Variants in PLCL2 observed in about 807,000 individuals in gnomAD.
PLCL2 encodes the protein phospholipase C like 2.
PLCL2 carries 4 observed loss-of-function variants against 79.6 expected under a neutral mutation model. That is an observed-to-expected ratio of 0.05 (90% CI 0.02 to 0.11). PLCL2 has a LOEUF of 0.11. PLCL2 is among the 10% of genes least tolerant of loss of function. The pLI, the probability that PLCL2 is intolerant of heterozygous loss-of-function variation, is 1.00. For missense variants in PLCL2, 895 were observed against 1,291.0 expected (o/e 0.69, Z 4.70); for synonymous variants, 484 against 457.7 (o/e 1.06, Z -0.73).
intron 5 of PLCL2, among the ~76,000 whole-genome samples, chr3:17,076,302 G>A (rs932584859): frequency 6.6e-6 from 1 of 151,776 alleles, no homozygotes; most frequent in African/African-American, 2.4e-5. Context: ...TCTGCTTGGG[G>A]TTGGTTGAGA....
chr3:16,982,291 A>G (rs1454841998), intron 1 of PLCL2, among the ~76,000 whole-genome samples: 6 of 152,162 alleles, frequency 3.9e-5, no homozygotes, highest in African/African-American at 9.7e-5. Context: ...CATCGTATCA[A>G]TTTTAAAGCA....
At chr3:17,081,190 A>G (rs2065158916) in intron 5 of PLCL2, 1 of 456,650 alleles carries the variant, frequency 2.2e-6, no homozygotes, top group Admixed American at 2.3e-5. Context: ...CCAAATAGAT[A>G]AGAAAGACAG....
At chr3:16,950,293 C>T (rs1178808979) in intron 1 of PLCL2, among the ~76,000 whole-genome samples, 1 of 152,038 alleles carries the variant, frequency 6.6e-6, no homozygotes, top group Non-Finnish European at 1.5e-5. Context: ...CTTTAATTAC[C>T]TTATGTCCTT....
chr3:17,033,537 A>C, intron 3 of PLCL2, among the ~76,000 whole-genome samples: 1 of 152,332 alleles, frequency 6.6e-6, no homozygotes. Flanking sequence ...TTAGGTAACA[A>C]TTTGAGCATA....
chr3:17,031,937 T>G (rs1452622180), intron 3 of PLCL2, among the ~76,000 whole-genome samples: 8 of 150,542 alleles, frequency 5.3e-5, no homozygotes. Flanking sequence ...ACCTTTTTTT[T>G]TTTTTTTTTT....
chr3:17,026,194 T>G (rs1010302544), intron 3 of PLCL2, among the ~76,000 whole-genome samples: 10 of 152,208 alleles, frequency 6.6e-5, no homozygotes, highest in African/African-American at 2.4e-4. Context: ...AAGCCTTTTC[T>G]AACTTAATTA....
chr3:16,987,197 G>A (rs1368135952), intron 1 of PLCL2, among the ~76,000 whole-genome samples: 3 of 152,056 alleles, frequency 2.0e-5, no homozygotes, highest in Admixed American at 1.3e-4. Flanking sequence ...CTCCTAGCAG[G>A]CAGAGCCAGA....
chr3:17,079,113 T>C (rs2065137332), intron 5 of PLCL2, among the ~76,000 whole-genome samples: 2 of 152,130 alleles, frequency 1.3e-5, no homozygotes, highest in African/African-American at 4.8e-5. Flanking sequence ...GCGAAGGAGG[T>C]GCTTACGTGC....
chr3:16,900,402 A>G (rs563382223), intron 1 of PLCL2, among the ~76,000 whole-genome samples: 19 of 152,238 alleles, frequency 1.2e-4, no homozygotes, highest in African/African-American at 4.6e-4. Context: ...GAAGCTATAA[A>G]CTTTATATCT....
chr3:16,975,149 A>C lies in PLCL2; in HGVS notation c.328-34525A>C, dbSNP rs145641621. ...TCCTCTAAAATGTCTCAAAGAACCA[A>C]AAAAAGTTCTTCCCTTGAGCTTCAG... On this transcript the variant is annotated intron_variant, in intron 1 of 5. Coordinates refer to ENST00000615277, the MANE Select transcript of PLCL2 (RefSeq NM_001144382.2). Among the ~76,000 whole-genome samples, 31 of 152,322 alleles carry C rather than the reference A, an allele frequency of 2.0e-4. No individual in the cohort carries two copies. The East Asian group carries it at 4.2e-3, about 21-fold the overall frequency.
intron 1 of PLCL2, among the ~76,000 whole-genome samples, chr3:16,909,269 T>C (rs567324551): frequency 2.8e-4 from 43 of 152,358 alleles, no homozygotes; most frequent in African/African-American, 1.0e-3. Flanking sequence ...TTTTTGCTGT[T>C]ACTTAATAGC....
chr3:17,077,196 CTG>C (rs1358962799), intron 5 of PLCL2, among the ~76,000 whole-genome samples: 1 of 152,216 alleles, frequency 6.6e-6, no homozygotes, highest in Non-Finnish European at 1.5e-5. Context: ...CTCAGGATCA[CTG>C]TGTTGTACTA....
At chr3:17,035,450 T>C (rs1003042636) in intron 3 of PLCL2, among the ~76,000 whole-genome samples, 3 of 152,162 alleles carry the variant, frequency 2.0e-5, no homozygotes, top group Admixed American at 2.0e-4. Flanking sequence ...CTTCCTTCTG[T>C]GCCCACAGCA....
chr3:16,907,958 T>C (rs555274622), intron 1 of PLCL2, among the ~76,000 whole-genome samples: 48 of 152,342 alleles, frequency 3.2e-4, no homozygotes, highest in Non-Finnish European at 6.2e-4. Flanking sequence ...TCCAATGATA[T>C]GTATTCATGT....
chr3:16,969,999 T>C (rs970487884), intron 1 of PLCL2, among the ~76,000 whole-genome samples: 4 of 150,592 alleles, frequency 2.7e-5, no homozygotes, highest in African/African-American at 9.7e-5. Context: ...TTAATTTCTA[T>C]GTAATTGTAT....
chr3:16,982,069 T>G (rs904517146), intron 1 of PLCL2, among the ~76,000 whole-genome samples: 7 of 152,202 alleles, frequency 4.6e-5, no homozygotes, highest in Admixed American at 4.6e-4. Flanking sequence ...ATGGAAGTGG[T>G]GCAAAGGAGG....
chr3:17,007,981 A>G lies in PLCL2; in HGVS notation c.328-1693A>G, dbSNP rs76089175. 7.9e-3 allele frequency among the ~76,000 whole-genome samples: 1,206 copies of G among 152,336 alleles called. 15 individuals carry two copies. Among genetic ancestry groups the G allele is most frequent in the Non-Finnish European group, 0.01 (690 of 68,032 alleles). On this transcript the variant is annotated intron_variant, in intron 1 of 5. Transcript: ENST00000615277. The stretch of plus-strand genomic sequence containing the variant: ...GTAATTTGAGCACTCTTTTCAAATA[A>G]TAAAGGTCTCCATACAAGGAAGGAC...
At chr3:17,068,492 A>G (rs2065031730) in intron 5 of PLCL2, among the ~76,000 whole-genome samples, 1 of 152,240 alleles carries the variant, frequency 6.6e-6, no homozygotes, top group Non-Finnish European at 1.5e-5. Context: ...AGAAATAAAT[A>G]GAAAAGAATT....
chr3:17,015,729 A>G (rs1350106418), intron 3 of PLCL2, among the ~76,000 whole-genome samples: 1 of 152,194 alleles, frequency 6.6e-6, no homozygotes, highest in Non-Finnish European at 1.5e-5. Context: ...CTCCAAAAGC[A>G]CAAGCTAAGA....
Sources: allele counts gnomAD v4.1 joint callset (sites outside exome capture counted in the v4.1 genomes callset), GRCh38; gene constraint gnomAD v4.1.1; transcripts MANE v1.5; gene names NCBI Gene and HGNC (gene_info 2026-07-23, HGNC 2026-07-21).